CC2D2B: variants seen among roughly 807,000 people sequenced by gnomAD.
CC2D2B encodes the protein protein CC2D2B.
Under a neutral mutation model 161.2 loss-of-function variants are expected in CC2D2B, and 128 were observed. The observed-to-expected ratio is 0.79, with a 90% CI of 0.69 to 0.92. CC2D2B has a LOEUF of 0.92. Ranked by LOEUF, CC2D2B falls within the 40% of genes least tolerant of loss-of-function variation. The probability of loss-of-function intolerance (pLI) is 0.00; values close to 1 mark genes in which losing one functional copy is unlikely to be tolerated. For missense variants in CC2D2B, 1,173 were observed against 1,375.1 expected, an observed-to-expected ratio of 0.85 and a Z score of 2.32; for synonymous variants, 391 against 449.8, an observed-to-expected ratio of 0.87 and a Z score of 1.65.
chr10:95,996,889 C>T (rs1384482975), intron 24 of CC2D2B, among the ~76,000 whole-genome samples: 1 of 152,166 alleles, frequency 6.6e-6, no homozygotes, highest in Non-Finnish European at 1.5e-5. Context: ...GAGCTCCACC[C>T]TTATGAATAG....
At chr10:95,965,187 A>T (rs1329452747) in intron 12 of CC2D2B, among the ~76,000 whole-genome samples, 4 of 152,120 alleles carry the variant, frequency 2.6e-5, no homozygotes, top group Non-Finnish European at 5.9e-5. Context: ...CTATCAGAAA[A>T]ACTTGACTCC....
chr10:96,014,573 C>A (rs2079112410), intron 29 of CC2D2B, among the ~76,000 whole-genome samples: 1 of 152,162 alleles, frequency 6.6e-6, no homozygotes, highest in Non-Finnish European at 1.5e-5. Context: ...AACAAACAAA[C>A]AACCTTGGTT....
In CC2D2B at chr10:95,965,942, T is replaced by G. The variant is rs75175873; in HGVS notation, c.1297T>G (p.Ser433Ala). The change falls in exon 13 of 35, where the codon TCT (serine) becomes GCT (alanine). Residue 433 changes from serine to alanine, a missense_variant. Ser to Ala is a moderately conservative substitution (Grantham distance 99, BLOSUM62 1). Around this residue, in one of 3 missense-constraint regions of CC2D2B, gnomAD observed 277 missense variants for 420.6 expected, o/e 0.66. Transcript: ENST00000646931. ...CDEQEQISEM[S>A]ETEKKNEGKE... is the part of the protein sequence containing the mutation. Reference sequence around the variant, plus strand: ...TGAACAAGAGCAAATCTCAGAAATGTCTGAAACTGAGAAGAAAAATGAAGG... The same window carrying G: ...TGAACAAGAGCAAATCTCAGAAATGGCTGAAACTGAGAAGAAAAATGAAGG... The G allele has an allele frequency of 4.1e-6, 5 of 1,219,034 alleles. No individual in the cohort carries two copies. The African/African-American group carries it at 7.8e-5, about 19-fold the overall frequency. The allele number at this position is 1,219,034 out of a possible 1,614,324, so 75.5% of individuals were successfully genotyped here.
At chr10:95,967,703 C>G (rs2141465756) in intron 14 of CC2D2B, among the ~76,000 whole-genome samples, 1 of 152,118 alleles carries the variant, frequency 6.6e-6, no homozygotes, top group Admixed American at 6.6e-5. Flanking sequence ...TTTTAGAGGG[C>G]AACAGAAAGG....
intron 29 of CC2D2B, among the ~76,000 whole-genome samples, chr10:96,014,538 A>C (rs1448235533): frequency 6.6e-6 from 1 of 152,154 alleles, no homozygotes; most frequent in Non-Finnish European, 1.5e-5. Context: ...ATTTTCTCTC[A>C]CCTAACACAC....
intron 11 of CC2D2B, among the ~76,000 whole-genome samples, chr10:95,961,274 C>A (rs192586616): frequency 8.5e-5 from 13 of 152,248 alleles, no homozygotes; most frequent in Admixed American, 8.5e-4. Context: ...ACGCTTATAA[C>A]CCCAGTGCTT....
chr10:96,025,154 A>AT (rs1554853730), intron 33 of CC2D2B, among the ~76,000 whole-genome samples: 33 of 20,082 alleles, frequency 1.6e-3, no homozygotes, highest in African/African-American at 4.6e-3. Context: ...ACTAAAAAAA[A>AT]ATATATATAT....
At chr10:95,911,580 C>A (rs1332174673) in intron 2 of CC2D2B, among the ~76,000 whole-genome samples, 2 of 152,052 alleles carry the variant, frequency 1.3e-5, no homozygotes, top group Non-Finnish European at 2.9e-5. Context: ...TTTATTTAAT[C>A]TCTTACTTCA....
chr10:95,921,940 T>TATAATA (rs541307342), intron 2 of CC2D2B, 76 bp from the exon 3 acceptor site: 2 of 795,700 alleles, frequency 2.5e-6, no homozygotes, highest in Non-Finnish European at 4.0e-6. Context: ...GGACTTAAAG[T>TATAATA]ATAATAATAA....
intron 11 of CC2D2B, among the ~76,000 whole-genome samples, chr10:95,961,220 G>A (rs1046357462): frequency 1.3e-5 from 2 of 152,044 alleles, no homozygotes; most frequent in African/African-American, 2.4e-5. Context: ...TTCTCTCTTT[G>A]GTACTTCAGA....
chr10:95,947,451 A>T (rs1237501225), intron 9 of CC2D2B, among the ~76,000 whole-genome samples: 2 of 88,802 alleles, frequency 2.3e-5, no homozygotes, highest in Non-Finnish European at 3.5e-5. Context: ...GCTTTTACTT[A>T]AAAAAAAGGT....
chr10:95,984,984 A>G (rs1344524032), intron 19 of CC2D2B, among the ~76,000 whole-genome samples: 1 of 152,248 alleles, frequency 6.6e-6, no homozygotes, highest in Non-Finnish European at 1.5e-5. Flanking sequence ...ATAGCATCTA[A>G]TATACCAGTA....
intron 20 of CC2D2B, among the ~76,000 whole-genome samples, chr10:95,990,344 A>G (rs963907515): frequency 4.6e-5 from 7 of 152,208 alleles, no homozygotes; most frequent in African/African-American, 1.7e-4. Flanking sequence ...ACACTTCTGC[A>G]AAAGACCTAA....
At chr10:95,999,614 A>G (rs1249977184) in intron 24 of CC2D2B, among the ~76,000 whole-genome samples, 1 of 152,174 alleles carries the variant, frequency 6.6e-6, no homozygotes, top group Non-Finnish European at 1.5e-5. Context: ...CAAGAAATAC[A>G]TTAAATTTGA....
chr10:95,998,523 G>T (rs1183500737), intron 24 of CC2D2B, among the ~76,000 whole-genome samples: 1 of 152,088 alleles, frequency 6.6e-6, no homozygotes, highest in Non-Finnish European at 1.5e-5. Flanking sequence ...GTTCTCCAGA[G>T]AAACAGAAAC....
At chr10:95,924,089 A>G (rs545778408) in intron 3 of CC2D2B, among the ~76,000 whole-genome samples, 2 of 152,304 alleles carry the variant, frequency 1.3e-5, no homozygotes, top group Admixed American at 6.5e-5. Context: ...GAAAAACAAA[A>G]ATCAGTCCTG....
rs1357650149 is a variant in CC2D2B, at chr10:95,944,321, T to C, written c.801+5396T>C. Among the ~76,000 whole-genome samples the C allele has an allele frequency of 4.6e-5, 7 of 152,212 alleles. No individual in the cohort carries two copies. In the East Asian group the frequency reaches 1.3e-3, roughly 29 times the overall value. On this transcript the variant is annotated intron_variant, in intron 9 of 34. Transcript: ENST00000646931. ...ACAGTTGTCAAGATTTTATAAATGG[T>C]ACCACCATACCAAACATTACAATAT...
chr10:96,012,865 A>C, intron 28 of CC2D2B, 136 bp downstream of exon 28: 1 of 630,630 alleles, frequency 1.6e-6, no homozygotes, highest in Non-Finnish European at 2.8e-6. Context: ...TGTGAGTCAT[A>C]AAGCTCCCTT....
chr10:96,009,971 C>T (rs1161736020), intron 26 of CC2D2B, 48 bp downstream of exon 26: 1 of 1,156,086 alleles, frequency 8.6e-7, no homozygotes, highest in South Asian at 1.3e-5. Flanking sequence ...ACCTCTGGCT[C>T]ATAGAAAAAC....
Sources: allele counts gnomAD v4.1 joint callset (sites outside exome capture counted in the v4.1 genomes callset), GRCh38; gene constraint gnomAD v4.1.1; regional missense constraint gnomAD v4.1.1; transcripts MANE v1.5; gene names NCBI Gene and HGNC (gene_info 2026-07-23, HGNC 2026-07-21).